SEMA3A: variants seen among roughly 807,000 people sequenced by gnomAD.
SEMA3A encodes semaphorin-3A.
In SEMA3A, 29 loss-of-function variants were observed where a neutral mutation model predicts 97.9. The ratio of observed to expected loss-of-function variants is 0.30; its 90% CI spans 0.22 to 0.40. The LOEUF (loss-of-function observed/expected upper bound fraction) is 0.40. SEMA3A is among the 10% of genes least tolerant of loss of function. SEMA3A has a pLI of 1.00. For synonymous variants in SEMA3A, 321 were observed against 323.7 expected (o/e 0.99, Z 0.09); for missense variants, 763 against 951.3 (o/e 0.80, Z 2.60).
intron 1 of SEMA3A, among the ~76,000 whole-genome samples, chr7:84,187,168 C>T (rs1457974084): frequency 6.6e-6 from 1 of 152,110 alleles, no homozygotes; most frequent in Non-Finnish European, 1.5e-5. Flanking sequence ...CTGGATTCTC[C>T]TAAAAGTATG....
intron 3 of SEMA3A, among the ~76,000 whole-genome samples, chr7:84,281,832 G>A (rs1006795): frequency 0.081 from 12,284 of 152,128 alleles, 678 homozygotes; most frequent in East Asian, 0.29. Context: ...GAGAAACTGA[G>A]TCAATATTTA....
At position 84,414,392 on chromosome 7, in the gene SEMA3A, AG is replaced by A. The variant is rs1164565325; in HGVS notation, c.-245-42493del. On this transcript the variant is annotated intron_variant, in intron 1 of 3. Coordinates refer to the SEMA3A transcript ENST00000424555. ...AGCACATGATAAATAATTGGCTAAA[AG>A]TAAAAAAAAAAAAAAAACAGTATTG... Among the ~76,000 whole-genome samples, 436 of 146,374 alleles carry A rather than the reference AG, an allele frequency of 3.0e-3. 1 individual carries two copies. Among genetic ancestry groups the A allele is most frequent in the African/African-American group, 0.011 (418 of 39,496 alleles).
chr7:84,427,504 G>A (rs541515064), intron 1 of SEMA3A, among the ~76,000 whole-genome samples: 1 of 151,794 alleles, frequency 6.6e-6, no homozygotes, highest in Admixed American at 6.6e-5. Context: ...AAAATTAGCT[G>A]GGAATGGTGG....
intron 1 of SEMA3A, among the ~76,000 whole-genome samples, chr7:84,411,596 T>C (rs1234801488): frequency 3.3e-5 from 5 of 151,364 alleles, no homozygotes; most frequent in African/African-American, 1.2e-4. Context: ...TATTCTAGTA[T>C]TATAGAAAAA....
chr7:84,129,763 A>G (rs1408102723), intron 2 of SEMA3A, among the ~76,000 whole-genome samples: 1 of 150,862 alleles, frequency 6.6e-6, no homozygotes, highest in Non-Finnish European at 1.5e-5. Flanking sequence ...TAAAAGTAGC[A>G]TGGTATATGT....
At chr7:84,182,816 C>T (rs755457397) in intron 1 of SEMA3A, among the ~76,000 whole-genome samples, 7 of 152,040 alleles carry the variant, frequency 4.6e-5, no homozygotes, top group Non-Finnish European at 7.4e-5. Context: ...GAAACATTAC[C>T]GTTTTACAAA....
chr7:84,094,809 A>G (rs892845792), intron 4 of SEMA3A, among the ~76,000 whole-genome samples: 5 of 152,030 alleles, frequency 3.3e-5, no homozygotes, highest in Non-Finnish European at 7.4e-5. Context: ...GCTGTAGTTG[A>G]GAGATGGACA....
chr7:84,002,634 A>G (rs143075787), intron 11 of SEMA3A, among the ~76,000 whole-genome samples: 60 of 152,322 alleles, frequency 3.9e-4, no homozygotes, highest in African/African-American at 1.3e-3. Flanking sequence ...TGATGGCTCA[A>G]TGGCCATTAT....
intron 12 of SEMA3A, among the ~76,000 whole-genome samples, chr7:84,001,117 T>G (rs1790428832): frequency 6.6e-6 from 1 of 152,150 alleles, no homozygotes; most frequent in Admixed American, 6.6e-5. Flanking sequence ...TTTGCTCTAT[T>G]CTTTTATCAA....
rs549149260 is a variant in SEMA3A at position 84,037,385 on chromosome 7, T to C, written c.667+8939A>G. Among the ~76,000 whole-genome samples the C allele has an allele frequency of 2.6e-5, 4 of 152,194 alleles. No individual in the cohort carries two copies. The East Asian group carries it at 7.8e-4, about 30-fold the overall frequency. On this transcript the variant is annotated intron_variant, in intron 6 of 16. Coordinates refer to ENST00000265362, the MANE Select transcript of SEMA3A (RefSeq NM_006080.3). ...CTCTGTCACCTAGGCTGGAGTGCAG[T>C]GGCATGATCATGGCTCACTGCAGCC...
chr7:83,985,433 T>C lies in SEMA3A; in HGVS notation c.1494+3A>G. The C allele has an allele frequency of 6.2e-7, 1 of 1,602,888 alleles. No individual in the cohort carries two copies. Among genetic ancestry groups the C allele is most frequent in the Non-Finnish European group, 8.5e-7 (1 of 1,170,496 alleles). On this transcript the variant is annotated splice_donor_region_variant and intron_variant, in intron 13 of 16. Transcript: ENST00000265362. ...ATTCAATGGTAATACATAATGATAG[T>C]ACCTGCTTAGTGGAAAGCTCCATTG...
chr7:84,009,207 T>C (rs182132194), intron 9 of SEMA3A, among the ~76,000 whole-genome samples: 266 of 152,318 alleles, frequency 1.7e-3, no homozygotes, highest in Middle Eastern at 3.4e-3. Context: ...TCATGCTGTC[T>C]AGGAGATTCT....
chr7:84,405,675 C>T (rs996402457), intron 1 of SEMA3A, among the ~76,000 whole-genome samples: 2 of 152,134 alleles, frequency 1.3e-5, no homozygotes, highest in African/African-American at 2.4e-5. Flanking sequence ...TGTAAAAGAA[C>T]AGAAATTATA....
chr7:84,242,827 G>A (rs1300901554), intron 3 of SEMA3A, among the ~76,000 whole-genome samples: 2 of 152,152 alleles, frequency 1.3e-5, no homozygotes, highest in East Asian at 1.9e-4. Context: ...CTAGTTTATT[G>A]AGAGTTTTTA....
intron 1 of SEMA3A, among the ~76,000 whole-genome samples, chr7:84,438,999 T>C (rs1034900476): frequency 6.6e-6 from 1 of 151,854 alleles, no homozygotes; most frequent in Non-Finnish European, 1.5e-5. Context: ...ATTTACTTCA[T>C]GGACTGTTGT....
intron 1 of SEMA3A, among the ~76,000 whole-genome samples, chr7:84,378,081 G>T (rs1436023247): frequency 1.3e-5 from 2 of 151,882 alleles, no homozygotes; most frequent in African/African-American, 4.8e-5. Context: ...TCCAGTAATG[G>T]TAATTTCAAT....
chr7:84,221,778 G>C (rs1798889446), intron 3 of SEMA3A, among the ~76,000 whole-genome samples: 1 of 151,784 alleles, frequency 6.6e-6, no homozygotes, highest in Admixed American at 6.6e-5. Context: ...GTAACATCAA[G>C]GGTCAGTAAT....
At chr7:84,268,203 G>A (rs1800053072) in intron 3 of SEMA3A, among the ~76,000 whole-genome samples, 1 of 151,452 alleles carries the variant, frequency 6.6e-6, no homozygotes, top group South Asian at 2.1e-4. Flanking sequence ...AAGACGGAAG[G>A]GGCACCAAAC....
At chr7:84,035,768 C>G (rs1017353359) in intron 6 of SEMA3A, among the ~76,000 whole-genome samples, 9 of 152,032 alleles carry the variant, frequency 5.9e-5, no homozygotes, top group African/African-American at 2.2e-4. Flanking sequence ...TTTCTCCCCA[C>G]TCTCTGATTA....
Sources: allele counts gnomAD v4.1 joint callset (sites outside exome capture counted in the v4.1 genomes callset), GRCh38; gene constraint gnomAD v4.1.1; transcripts MANE v1.5; gene names NCBI Gene and HGNC (gene_info 2026-07-23, HGNC 2026-07-21).